The following SMIM13 variants were observed in gnomAD, a reference collection of about 807,000 sequenced individuals.
The protein encoded by SMIM13 is UPF0766 protein C6orf228.
SMIM13 carries 3 observed loss-of-function variants against 5.9 expected under a neutral mutation model. That is an observed-to-expected ratio of 0.51 (90% CI 0.23 to 1.31). The LOEUF (loss-of-function observed/expected upper bound fraction) is 1.31, where lower values mean the gene tolerates loss of function less well. Ranked by LOEUF, SMIM13 falls within the 40% of genes most tolerant of loss-of-function variation. SMIM13 has a pLI of 0.18. For missense variants in SMIM13, 85 were observed against 109.9 expected (o/e 0.77, Z 1.01); for synonymous variants, 55 against 46.0 (o/e 1.19, Z -0.79).
intron 1 of SMIM13, chr6:11,105,312 G>A (rs1258951987): frequency 3.7e-6 from 6 of 1,608,638 alleles, no homozygotes; most frequent in Non-Finnish European, 5.1e-6. Context: ...CAGGCCCATG[G>A]TGACCTAAGA....
At chr6:11,105,438 T>G (rs1361844062) in intron 1 of SMIM13, 4 of 691,766 alleles carry the variant, frequency 5.8e-6, no homozygotes, top group African/African-American at 1.8e-5. Context: ...TGGGATCACC[T>G]TACTTTGAGG....
chr6:11,135,761 A>G lies in SMIM13; in HGVS notation c.*1159A>G, dbSNP rs1758510057. ...ATATGCACAAGATTGATGTGATAAA[A>G]ATCTGTTTAACTCAAAGCGCTGTTT... On this transcript the variant is annotated 3_prime_UTR_variant, in exon 2 of 2. Transcript: ENST00000416247. 6.6e-6 allele frequency: 1 copy of G among 152,318 alleles called. No homozygotes were observed. Among genetic ancestry groups the G allele is most frequent in the African/African-American group, 2.4e-5 (1 of 41,462 alleles). 9.4% of individuals were successfully genotyped at this position (152,318 alleles called of 1,614,324 possible). A position where few individuals can be genotyped will look rare whatever the true frequency, so the allele number is the denominator to read the frequency against.
At chr6:11,119,578 C>T (rs138849897) in intron 1 of SMIM13, among the ~76,000 whole-genome samples, 5,932 of 152,028 alleles carry the variant, frequency 0.039, 181 homozygotes, top group Non-Finnish European at 0.057. Context: ...GGTGTGAACC[C>T]GGGAGGCGGA....
intron 1 of SMIM13, among the ~76,000 whole-genome samples, chr6:11,108,744 TA>T (rs1200241531): frequency 6.6e-6 from 1 of 152,216 alleles, no homozygotes; most frequent in Non-Finnish European, 1.5e-5. Flanking sequence ...ATGTCAGGCA[TA>T]GGGGTACTGG....
chr6:11,105,174 C>T, intron 1 of SMIM13: 1 of 1,614,200 alleles, frequency 6.2e-7, no homozygotes, highest in Admixed American at 1.7e-5. Context: ...AGAGCTAGTA[C>T]ATAACCAGCA....
At chr6:11,127,428 A>T (rs567436149) in intron 1 of SMIM13, among the ~76,000 whole-genome samples, 1 of 152,364 alleles carries the variant, frequency 6.6e-6, no homozygotes, top group Admixed American at 6.5e-5. Context: ...ACTGTCTTCC[A>T]GCCACCAGTG....
intron 1 of SMIM13, among the ~76,000 whole-genome samples, chr6:11,129,211 TA>T (rs758888204): frequency 6.6e-6 from 1 of 152,162 alleles, no homozygotes; most frequent in African/African-American, 2.4e-5. Flanking sequence ...CGGACTCCGA[TA>T]ACCATCATTC....
chr6:11,101,809 C>T (rs146541265), intron 1 of SMIM13, among the ~76,000 whole-genome samples: 8 of 151,508 alleles, frequency 5.3e-5, no homozygotes, highest in East Asian at 3.9e-4. Context: ...GCACAATTGC[C>T]GCTCACTGCA....
chr6:11,101,475 G>A (rs1303584704), intron 1 of SMIM13, among the ~76,000 whole-genome samples: 2 of 152,198 alleles, frequency 1.3e-5, no homozygotes, highest in Non-Finnish European at 2.9e-5. Context: ...AGGTTGCAGT[G>A]AAGAGGTTCT....
chr6:11,119,219 A>G (rs780685970), intron 1 of SMIM13, among the ~76,000 whole-genome samples: 21 of 151,858 alleles, frequency 1.4e-4, no homozygotes, highest in Non-Finnish European at 1.6e-4. Flanking sequence ...TTGGATGGAG[A>G]CAGACAGCAG....
chr6:11,115,498 T>C (rs537781994), intron 1 of SMIM13, among the ~76,000 whole-genome samples: 1 of 152,292 alleles, frequency 6.6e-6, no homozygotes, highest in South Asian at 2.1e-4. Context: ...ATCCCTCTTT[T>C]AAGGTTTTTA....
At chr6:11,132,620 A>G (rs1758465153) in intron 1 of SMIM13, among the ~76,000 whole-genome samples, 1 of 152,228 alleles carries the variant, frequency 6.6e-6, no homozygotes, top group South Asian at 2.1e-4. Flanking sequence ...TGATGCTTAC[A>G]ACACAATGGA....
chr6:11,101,297 G>A (rs369706782), intron 1 of SMIM13, among the ~76,000 whole-genome samples: 2 of 152,176 alleles, frequency 1.3e-5, no homozygotes, highest in Admixed American at 1.3e-4. Flanking sequence ...CACAGCTAGC[G>A]TTGCCGCTTG....
At chr6:11,124,501 G>C (rs1249296266) in intron 1 of SMIM13, among the ~76,000 whole-genome samples, 1 of 152,106 alleles carries the variant, frequency 6.6e-6, no homozygotes, top group African/African-American at 2.4e-5. Flanking sequence ...CTTTTTTTAG[G>C]GGGGTAGGTG....
At position 11,135,831 on chromosome 6, in the gene SMIM13, A is replaced by C. The variant is rs1308390937; in HGVS notation, c.*1229A>C. 1 of 152,268 alleles carries C rather than the reference A, an allele frequency of 6.6e-6. No homozygotes were observed. The highest frequency in any genetic ancestry group is 1.5e-5 in the Non-Finnish European group (1 of 68,048). The allele number at this position is 152,268 out of a possible 1,614,324, so 9.4% of individuals were successfully genotyped here. The stretch of plus-strand genomic sequence containing the variant: ...CTGTGATATGAAAGCATTGTGTCAT[A>C]GTTTAATGGGCAGTGTTTTTTCTTA... On this transcript the variant is annotated 3_prime_UTR_variant, in exon 2 of 2. Transcript: ENST00000416247.
At chr6:11,105,299 G>C (rs1758068805) in intron 1 of SMIM13, 1 of 1,612,706 alleles carries the variant, frequency 6.2e-7, no homozygotes, top group South Asian at 1.1e-5. Flanking sequence ...GAACCAGCAG[G>C]AGCAGGCCCA....
At chr6:11,129,976 T>C (rs1758430306) in intron 1 of SMIM13, among the ~76,000 whole-genome samples, 1 of 152,156 alleles carries the variant, frequency 6.6e-6, no homozygotes, top group African/African-American at 2.4e-5. Flanking sequence ...ATTTTTAGTC[T>C]CATCCTTTGT....
At chr6:11,099,330 A>G (rs61621058) in intron 1 of SMIM13, among the ~76,000 whole-genome samples, 2,265 of 152,162 alleles carry the variant, frequency 0.015, 51 homozygotes, top group African/African-American at 0.05. Context: ...GCCCGCCACC[A>G]CACCCGGCTG....
At chr6:11,107,832 A>G (rs1238896062) in intron 1 of SMIM13, among the ~76,000 whole-genome samples, 1 of 152,216 alleles carries the variant, frequency 6.6e-6, no homozygotes, top group African/African-American at 2.4e-5. Context: ...GAAATTTTTC[A>G]GTCAGAAGCT....
Sources: allele counts gnomAD v4.1 joint callset (sites outside exome capture counted in the v4.1 genomes callset), GRCh38; gene constraint gnomAD v4.1.1; transcripts MANE v1.5; gene names NCBI Gene and HGNC (gene_info 2026-07-23, HGNC 2026-07-21).